The following RORA variants were observed in gnomAD, a reference collection of about 807,000 sequenced individuals.
RORA encodes RAR related orphan receptor A.
A neutral mutation model predicts 69.5 loss-of-function variants in RORA; 7 were observed. That is an observed-to-expected ratio of 0.10 (90% CI 0.06 to 0.19). The LOEUF is 0.19. Ranked by LOEUF, RORA falls within the 10% of genes least tolerant of loss-of-function variation. The pLI, the probability that RORA is intolerant of heterozygous loss-of-function variation, is 1.00. For missense variants in RORA, 457 were observed against 663.0 expected (o/e 0.69, Z 3.41); for synonymous variants, 261 against 240.8 (o/e 1.08, Z -0.78).
chr15:60,976,262 A>G (rs2140356000), intron 1 of RORA, among the ~76,000 whole-genome samples: 1 of 152,334 alleles, frequency 6.6e-6, no homozygotes, highest in Non-Finnish European at 1.5e-5. Flanking sequence ...GCGGGACTCA[A>G]TGCGTGTAAC....
chr15:61,185,653 G>A (rs1261491892), intron 1 of RORA, among the ~76,000 whole-genome samples: 2 of 152,146 alleles, frequency 1.3e-5, no homozygotes, highest in East Asian at 1.9e-4. Flanking sequence ...TATTGATCAT[G>A]CAACAACTGA....
At chr15:61,010,774 T>G (rs1239525321) in intron 1 of RORA, among the ~76,000 whole-genome samples, 1 of 152,142 alleles carries the variant, frequency 6.6e-6, no homozygotes, top group Non-Finnish European at 1.5e-5. Context: ...CAGTGGACAA[T>G]AAGAACATTG....
chr15:61,057,480 T>C (rs1015817999), intron 1 of RORA, among the ~76,000 whole-genome samples: 3 of 152,216 alleles, frequency 2.0e-5, no homozygotes, highest in Non-Finnish European at 4.4e-5. Flanking sequence ...TTAGATGTCA[T>C]GAAGCATTTT....
In RORA at chr15:61,147,607, C is replaced by T. The variant is rs949809703; in HGVS notation, c.166+81446G>A. Among the ~76,000 whole-genome samples the T allele has an allele frequency of 1.3e-4, 20 of 152,164 alleles. No individual in the cohort carries two copies. Among genetic ancestry groups the T allele is most frequent in the African/African-American group, 3.6e-4 (15 of 41,430 alleles). Reference sequence around the variant, plus strand: ...TTAGCTGTCCATCAGTAACTTCTTCCGCTAGAAAAGGAGTGTAGGAAGAAG... The same window carrying T: ...TTAGCTGTCCATCAGTAACTTCTTCTGCTAGAAAAGGAGTGTAGGAAGAAG... On this transcript the variant is annotated intron_variant, in intron 1 of 10. Coordinates refer to ENST00000335670, the MANE Select transcript of RORA (RefSeq NM_134261.3). This position sits in a 1 kb window ranked among gnomAD's most constrained non-coding sequence, Gnocchi z 4.1.
At chr15:60,713,594 G>A (rs1337520623) in intron 1 of RORA, among the ~76,000 whole-genome samples, 1 of 152,128 alleles carries the variant, frequency 6.6e-6, no homozygotes, top group Non-Finnish European at 1.5e-5. Flanking sequence ...CCTCAACCAA[G>A]TCATATTCAG....
intron 1 of RORA, among the ~76,000 whole-genome samples, chr15:61,164,853 T>C (rs1287576952): frequency 1.3e-5 from 2 of 152,172 alleles, no homozygotes; most frequent in African/African-American, 2.4e-5. Flanking sequence ...TTCCAGGTAA[T>C]TAGAGAGCAC....
intron 1 of RORA, among the ~76,000 whole-genome samples, chr15:60,724,920 C>A (rs1228412318): frequency 6.6e-6 from 1 of 152,158 alleles, no homozygotes; most frequent in Non-Finnish European, 1.5e-5. Context: ...CACACTGGGC[C>A]CTTCATGATA....
In RORA at chr15:61,046,842, C is replaced by T. The variant is rs571998605; in HGVS notation, c.166+182211G>A. On this transcript the variant is annotated intron_variant, in intron 1 of 10. Transcript: ENST00000335670. ...ACCTGAAGTAAGGTTCTTTTGACTT[C>T]GAGGCTGCTCTGATGAAAAACGAGG... is the stretch of plus-strand genomic sequence containing the variant. Among the ~76,000 whole-genome samples the T allele has an allele frequency of 1.4e-3, 216 of 152,220 alleles. 1 individual carries two copies. Among genetic ancestry groups the T allele is most frequent in the Non-Finnish European group, 2.6e-3 (176 of 68,018 alleles).
intron 2 of RORA, among the ~76,000 whole-genome samples, chr15:60,673,180 G>T (rs903283104): frequency 2.6e-5 from 4 of 152,190 alleles, no homozygotes; most frequent in African/African-American, 9.6e-5. Context: ...GGGCAAACTT[G>T]AATCAACTGG....
intron 1 of RORA, among the ~76,000 whole-genome samples, chr15:61,103,323 A>ATTAAGAG (rs1409119612): frequency 2.0e-5 from 3 of 152,342 alleles, no homozygotes; most frequent in African/African-American, 7.2e-5. Flanking sequence ...TCCCCAGACA[A>ATTAAGAG]TTAAGAGTTA....
intron 1 of RORA, among the ~76,000 whole-genome samples, chr15:60,987,513 G>GT (rs1192706632): frequency 6.6e-6 from 1 of 152,216 alleles, no homozygotes; most frequent in East Asian, 1.9e-4. Flanking sequence ...CTCAAAAATG[G>GT]TAAGTATTAC....
rs146279392 is a variant in RORA, at chr15:61,071,709, A to G, written c.166+157344T>C. Reference sequence around the variant, plus strand: ...GAGGGGAGGGGAAGAGAGGACCCACAATTCACTGAGCCATACAAAGGAACA... The same window carrying G: ...GAGGGGAGGGGAAGAGAGGACCCACGATTCACTGAGCCATACAAAGGAACA... On this transcript the variant is annotated intron_variant, in intron 1 of 10. Coordinates refer to ENST00000335670, the MANE Select transcript of RORA (RefSeq NM_134261.3). Among the ~76,000 whole-genome samples, 429 of 148,222 alleles carry G rather than the reference A, an allele frequency of 2.9e-3. 3 individuals carry two copies. The highest frequency in any genetic ancestry group is 4.4e-3 in the Non-Finnish European group (292 of 66,880).
intron 1 of RORA, among the ~76,000 whole-genome samples, chr15:60,880,919 A>C (rs1001526219): frequency 2.6e-5 from 4 of 152,164 alleles, no homozygotes; most frequent in African/African-American, 9.7e-5. Flanking sequence ...GGCAGGTACT[A>C]ATCTACAAAA....
In RORA at chr15:60,942,316, T is replaced by C. The variant is rs531172304; in HGVS notation, c.167-263630A>G. Among the ~76,000 whole-genome samples, 125 of 152,342 alleles carry C rather than the reference T, an allele frequency of 8.2e-4. No homozygotes were observed. The Middle Eastern group carries it at 0.01, about 12-fold the overall frequency. The stretch of plus-strand genomic sequence containing the variant: ...GCCTGTAAACAGCAGAGCTGGGATA[T>C]ACACCCTTATCAGACCAAATCCCAA... On this transcript the variant is annotated intron_variant, in intron 1 of 10. Transcript: ENST00000335670.
intron 1 of RORA, among the ~76,000 whole-genome samples, chr15:60,744,162 A>G (rs1242426132): frequency 2.0e-5 from 3 of 151,892 alleles, no homozygotes; most frequent in Non-Finnish European, 4.4e-5. Context: ...GGAGATAGAT[A>G]GATAAAGAGA....
chr15:61,024,513 T>C (rs1895702940), intron 1 of RORA, among the ~76,000 whole-genome samples: 1 of 150,538 alleles, frequency 6.6e-6, no homozygotes, highest in African/African-American at 2.4e-5. Context: ...GGCAGTGGCA[T>C]GATCTTGGTT....
At chr15:60,766,318 A>AT (rs1293529571) in intron 1 of RORA, among the ~76,000 whole-genome samples, 1 of 152,154 alleles carries the variant, frequency 6.6e-6, no homozygotes, top group Non-Finnish European at 1.5e-5. Context: ...TTTCGACTTA[A>AT]TAAGAGATTC....
At chr15:60,752,106 G>A (rs1343476699) in intron 1 of RORA, among the ~76,000 whole-genome samples, 1 of 152,032 alleles carries the variant, frequency 6.6e-6, no homozygotes. Flanking sequence ...AAAATGGGGA[G>A]GGAGAAGGCA....
intron 1 of RORA, among the ~76,000 whole-genome samples, chr15:61,102,470 C>A (rs534935335): frequency 6.6e-6 from 1 of 152,356 alleles, no homozygotes; most frequent in South Asian, 2.1e-4. Context: ...GCCTCCCAAG[C>A]CTTTCGTTTT....
Sources: gnomAD v4.1 joint callset for allele counts (sites outside exome capture counted in the v4.1 genomes callset) on GRCh38, gnomAD v4.1.1 for gene constraint, Gnocchi (gnomAD v3.1) non-coding constraint, MANE v1.5 for transcripts, NCBI Gene and HGNC (gene_info 2026-07-23, HGNC 2026-07-21) for gene names.